Variants in ZNF254 observed in about 807,000 individuals in gnomAD.
The protein encoded by ZNF254 is CTD-2017D11.1.
In ZNF254, 10 loss-of-function variants were observed where a neutral mutation model predicts 12.4. That is an observed-to-expected ratio of 0.80 (90% CI 0.50 to 1.36). The LOEUF is 1.36. Among genes scored for constraint, ZNF254 ranks in the 40% most tolerant of loss-of-function variants. ZNF254 has a pLI of 0.00. For missense variants in ZNF254, 996 were observed against 763.9 expected (o/e 1.30, Z -3.58); for synonymous variants, 305 against 253.4 (o/e 1.20, Z -1.93).
chr19:24,106,666 G>T (rs369766455), intron 3 of ZNF254, 23 bp downstream of exon 3: 4 of 1,545,518 alleles, frequency 2.6e-6, no homozygotes, highest in African/African-American at 1.4e-5. Context: ...GAATACAACA[G>T]ATGACATGGA....
At chr19:24,074,162 C>T (rs572425960) in intron 2 of ZNF254, among the ~76,000 whole-genome samples, 1 of 152,218 alleles carries the variant, frequency 6.6e-6, no homozygotes, top group African/African-American at 2.4e-5. Context: ...ACTCTCTTTG[C>T]TGGGTTCTGC....
intron 1 of ZNF254, among the ~76,000 whole-genome samples, chr19:24,042,705 C>T (rs564433626): frequency 1.3e-5 from 2 of 152,194 alleles, no homozygotes; most frequent in Non-Finnish European, 2.9e-5. Flanking sequence ...CAAACCAGTA[C>T]CTGTGTCTTC....
chr19:24,093,259 A>G (rs1391044474), intron 1 of ZNF254, among the ~76,000 whole-genome samples: 1 of 151,974 alleles, frequency 6.6e-6, no homozygotes, highest in Admixed American at 6.6e-5. Flanking sequence ...TTCTGTGTTG[A>G]TAGTTTCCTT....
chr19:24,088,209 C>T (rs1053642395), intron 1 of ZNF254, among the ~76,000 whole-genome samples: 18 of 151,936 alleles, frequency 1.2e-4, no homozygotes, highest in Admixed American at 5.3e-4. Flanking sequence ...TGCCCAGCCT[C>T]GTTTCTTAAT....
intron 2 of ZNF254, among the ~76,000 whole-genome samples, chr19:24,055,232 A>AAAAGG (rs1555753129): frequency 3.3e-5 from 4 of 122,538 alleles, no homozygotes; most frequent in Non-Finnish European, 5.4e-5. Context: ...AAAAAAAAAA[A>AAAAGG]GAGTGTACTA....
intron 2 of ZNF254, among the ~76,000 whole-genome samples, chr19:24,076,565 C>T (rs1971667702): frequency 6.6e-6 from 1 of 152,126 alleles, no homozygotes; most frequent in South Asian, 2.1e-4. Flanking sequence ...CTCGTTTCAC[C>T]TCAACACTAT....
chr19:24,104,858 TACTC>T (rs1371759241), intron 1 of ZNF254: 2 of 152,104 alleles, frequency 1.3e-5, no homozygotes, highest in Non-Finnish European at 2.9e-5. Flanking sequence ...ATTAAGAAAA[TACTC>T]ATTTAAACAG....
intron 2 of ZNF254, among the ~76,000 whole-genome samples, chr19:24,056,444 G>T (rs1280340988): frequency 6.6e-6 from 1 of 152,094 alleles, no homozygotes; most frequent in Non-Finnish European, 1.5e-5. Context: ...TCCATCATAA[G>T]TTCTGCTGGC....
chr19:24,101,795 AG>A (rs1973045982), intron 1 of ZNF254, among the ~76,000 whole-genome samples: 1 of 152,206 alleles, frequency 6.6e-6, no homozygotes. Context: ...GAGACATTTG[AG>A]AATCTCCAGA....
intron 3 of ZNF254, chr19:24,107,228 C>A: frequency 1.5e-6 from 1 of 653,460 alleles, no homozygotes; most frequent in Middle Eastern, 2.4e-4. Context: ...TTGGATTTTT[C>A]ATTACTGTGA....
At chr19:24,057,985 G>C (rs1056470000) in intron 2 of ZNF254, among the ~76,000 whole-genome samples, 4 of 152,248 alleles carry the variant, frequency 2.6e-5, no homozygotes, top group South Asian at 4.1e-4. Flanking sequence ...CTTCAGAACT[G>C]GCCCAGCCTA....
At chr19:24,087,915 T>G (rs926059787) in intron 1 of ZNF254, among the ~76,000 whole-genome samples, 1 of 151,208 alleles carries the variant, frequency 6.6e-6, no homozygotes. Context: ...CGTTTTTTTT[T>G]TTTTTTTTTC....
chr19:24,096,628 T>G (rs922005313), intron 1 of ZNF254, among the ~76,000 whole-genome samples: 1 of 152,184 alleles, frequency 6.6e-6, no homozygotes, highest in African/African-American at 2.4e-5. Flanking sequence ...GAACAATGTA[T>G]GTTATGTTAT....
intron 1 of ZNF254, among the ~76,000 whole-genome samples, chr19:24,036,044 A>G (rs1724242662): frequency 6.9e-6 from 1 of 145,426 alleles, no homozygotes; most frequent in African/African-American, 2.5e-5. Context: ...TGCAAGTATA[A>G]TGCTTTTGTT....
chr19:24,056,358 TCTC>T (rs1182489809), intron 2 of ZNF254, among the ~76,000 whole-genome samples: 8 of 152,324 alleles, frequency 5.3e-5, no homozygotes, highest in African/African-American at 1.4e-4. Context: ...ATGACTCTCT[TCTC>T]CTGCCTGGTC....
Position 24,087,187 on chromosome 19 carries a change from G to T in ZNF254, c.-121G>T, listed in dbSNP as rs1012092698. 182 of 1,314,576 alleles carry T rather than the reference G, an allele frequency of 1.4e-4. 1 individual carries two copies. The African/African-American group carries it at 2.3e-3, about 17-fold the overall frequency. 81.4% of individuals were successfully genotyped at this position (1,314,576 alleles called of 1,614,324 possible). A position where few individuals can be genotyped will look rare whatever the true frequency, so the allele number is the denominator to read the frequency against. ...AAAGCGGCTTCCGGGATATGGCGGG[G>T]CCTTTGTCTCTCGCTGTCGCCGGAG... On this transcript the variant is annotated 5_prime_UTR_variant, in exon 1 of 4. Coordinates refer to ENST00000357002, the MANE Select transcript of ZNF254 (RefSeq NM_203282.4).
chr19:24,110,652 A>T (rs1973614320), intron 3 of ZNF254, among the ~76,000 whole-genome samples: 1 of 152,152 alleles, frequency 6.6e-6, no homozygotes, highest in Non-Finnish European at 1.5e-5. Context: ...ATCTTGTAAA[A>T]CTAAAACTCA....
chr19:24,050,614 C>CT, intron 2 of ZNF254, among the ~76,000 whole-genome samples: 1 of 152,358 alleles, frequency 6.6e-6, no homozygotes, highest in African/African-American at 2.4e-5. Flanking sequence ...TGATATGATT[C>CT]TTCTGCTGAC....
At chr19:24,061,967 C>T (rs1473706688) in intron 2 of ZNF254, among the ~76,000 whole-genome samples, 2 of 151,928 alleles carry the variant, frequency 1.3e-5, no homozygotes, top group Admixed American at 1.3e-4. Flanking sequence ...TGCCTGTAAT[C>T]CCAGCTACTC....
Sources: allele counts gnomAD v4.1 joint callset (sites outside exome capture counted in the v4.1 genomes callset), GRCh38; gene constraint gnomAD v4.1.1; transcripts MANE v1.5; gene names NCBI Gene and HGNC (gene_info 2026-07-23, HGNC 2026-07-21).